The following BMPR1A variants were observed in gnomAD, a reference collection of about 807,000 sequenced individuals.
BMPR1A encodes bone morphogenetic protein receptor type 1A.
In BMPR1A, 7 loss-of-function variants were observed where a neutral mutation model predicts 66.0. The observed-to-expected ratio is 0.11, with a 90% CI of 0.06 to 0.20. BMPR1A has a LOEUF of 0.20. Ranked by LOEUF, BMPR1A falls within the 10% of genes least tolerant of loss-of-function variation. The pLI, the probability that BMPR1A is intolerant of heterozygous loss-of-function variation, is 1.00. For missense variants in BMPR1A, 408 were observed against 669.1 expected (o/e 0.61, Z 4.31); for synonymous variants, 200 against 229.7 (o/e 0.87, Z 1.17).
chr10:86,910,677 TAA>T (rs1843468539), intron 7 of BMPR1A, among the ~76,000 whole-genome samples: 1 of 152,226 alleles, frequency 6.6e-6, no homozygotes, highest in African/African-American at 2.4e-5. Context: ...ATTACCCATA[TAA>T]AGTTTTAAAA....
chr10:86,814,994 C>T (rs890050483), intron 1 of BMPR1A, among the ~76,000 whole-genome samples: 2 of 152,106 alleles, frequency 1.3e-5, no homozygotes, highest in Non-Finnish European at 2.9e-5. Context: ...CCATATTGGC[C>T]AGGCTTGTCT....
chr10:86,781,811 A>G (rs367887260), intron 1 of BMPR1A, among the ~76,000 whole-genome samples: 1 of 150,644 alleles, frequency 6.6e-6, no homozygotes, highest in Non-Finnish European at 1.5e-5. Context: ...TTCACTTAGC[A>G]TAAAGTCCCC....
intron 1 of BMPR1A, among the ~76,000 whole-genome samples, chr10:86,824,981 A>G (rs908332810): frequency 6.6e-6 from 1 of 152,124 alleles, no homozygotes; most frequent in African/African-American, 2.4e-5. Flanking sequence ...AAATAAATCT[A>G]TTTTGAGAAA....
intron 2 of BMPR1A, among the ~76,000 whole-genome samples, chr10:86,848,134 T>G (rs1239033012): frequency 6.6e-6 from 1 of 152,132 alleles, no homozygotes; most frequent in Non-Finnish European, 1.5e-5. Context: ...GGCTTCATCA[T>G]GTTGGTCAGG....
At chr10:86,916,979 C>T (rs978104935) in intron 8 of BMPR1A, among the ~76,000 whole-genome samples, 155 bp from the exon 9 acceptor site, 1 of 150,944 alleles carries the variant, frequency 6.6e-6, no homozygotes, top group Middle Eastern at 3.2e-3. Context: ...GGTGACAGAG[C>T]GAGACTCCAT....
Position 86,898,494 on chromosome 10 carries a change from G to A in BMPR1A, c.334-1300G>A, listed in dbSNP as rs1843261471. On this transcript the variant is annotated intron_variant, in intron 5 of 12. Transcript: ENST00000372037. Reference sequence around the variant, plus strand: ...ATCGTAAGATCTCTTCGTACATTTGGGATGTCGTTTCCCACTTAGTAGTGT... The same window carrying A: ...ATCGTAAGATCTCTTCGTACATTTGAGATGTCGTTTCCCACTTAGTAGTGT... 2.6e-5 allele frequency among the ~76,000 whole-genome samples: 4 copies of A among 152,130 alleles called. No homozygotes were observed. In the South Asian group the frequency reaches 8.3e-4, roughly 32 times the overall value.
rs187399508 is a variant in BMPR1A, at chr10:86,922,021, T to G, written c.1342+326T>G. On this transcript the variant is annotated intron_variant, in intron 11 of 12. Transcript: ENST00000372037. Reference sequence around the variant, plus strand: ...TACCAAATACTTATTCATTCTTCTATTTTGTCTCTACTTATTAAACATCCC... The same window carrying G: ...TACCAAATACTTATTCATTCTTCTAGTTTGTCTCTACTTATTAAACATCCC... Among the ~76,000 whole-genome samples, 497 of 151,918 alleles carry G rather than the reference T, an allele frequency of 3.3e-3. 2 individuals are homozygous for G. Among genetic ancestry groups the G allele is most frequent in the African/African-American group, 0.011 (461 of 41,362 alleles).
chr10:86,832,957 T>A (rs1842293058), intron 1 of BMPR1A, among the ~76,000 whole-genome samples: 1 of 152,268 alleles, frequency 6.6e-6, no homozygotes, highest in African/African-American at 2.4e-5. Flanking sequence ...TATATAACTT[T>A]AAGAAATTAG....
intron 5 of BMPR1A, among the ~76,000 whole-genome samples, chr10:86,896,220 G>A (rs559891743): frequency 2.0e-5 from 3 of 151,302 alleles, no homozygotes; most frequent in South Asian, 4.2e-4. Context: ...GGAGGCAGAG[G>A]TTGTAGTGAG....
Position 86,927,641 on chromosome 10 carries a change from G to A in BMPR1A, c.*3922G>A. On this transcript the variant is annotated 3_prime_UTR_variant, in exon 13 of 13. Coordinates refer to ENST00000372037, the MANE Select transcript of BMPR1A (RefSeq NM_004329.3). ...TTATGCTCTGTATTCTGTTTTCTAT[G>A]GAATTATTTAAGCCCTTTTAGTGAC... The A allele has an allele frequency of 5.1e-6, 1 of 197,758 alleles. No homozygotes were observed. The allele number at this position is 197,758 out of a possible 1,614,324, so 12.3% of individuals were successfully genotyped here. A position where few individuals can be genotyped will look rare whatever the true frequency, so the allele number is the denominator to read the frequency against.
chr10:86,888,826 C>CA (rs11353145), intron 3 of BMPR1A, among the ~76,000 whole-genome samples: 2,282 of 85,168 alleles, frequency 0.027, 70 homozygotes, highest in African/African-American at 0.061. Flanking sequence ...GACCATGTCT[C>CA]AAAAAAAAAA....
chr10:86,760,763 T>A (rs1161816125), intron 1 of BMPR1A, among the ~76,000 whole-genome samples: 1 of 152,170 alleles, frequency 6.6e-6, no homozygotes, highest in African/African-American at 2.4e-5. Context: ...TAGGAACCAT[T>A]TCTTTTCCTT....
intron 8 of BMPR1A, among the ~76,000 whole-genome samples, chr10:86,913,563 C>T (rs1843522240): frequency 6.6e-6 from 1 of 152,154 alleles, no homozygotes; most frequent in Non-Finnish European, 1.5e-5. Context: ...AAAACTACTG[C>T]AGCCAGTAAA....
chr10:86,871,144 A>G (rs182984219), intron 2 of BMPR1A, among the ~76,000 whole-genome samples: 37 of 151,854 alleles, frequency 2.4e-4, no homozygotes, highest in African/African-American at 5.8e-4. Flanking sequence ...GACTGACTCT[A>G]TTTTTCAGAT....
chr10:86,917,716 C>T (rs568570782), intron 9 of BMPR1A, among the ~76,000 whole-genome samples: 2 of 152,252 alleles, frequency 1.3e-5, no homozygotes, highest in South Asian at 4.1e-4. Flanking sequence ...ATGTGTGTTT[C>T]CCCCCATCTC....
intron 1 of BMPR1A, among the ~76,000 whole-genome samples, chr10:86,808,603 G>A (rs1198712536): frequency 6.6e-6 from 1 of 152,148 alleles, no homozygotes; most frequent in Non-Finnish European, 1.5e-5. Context: ...CACTTGTCCT[G>A]TCTGAACCCT....
chr10:86,810,057 G>A (rs1018200479), intron 1 of BMPR1A, among the ~76,000 whole-genome samples: 2 of 151,742 alleles, frequency 1.3e-5, no homozygotes, highest in Non-Finnish European at 1.5e-5. Flanking sequence ...TGCAACCTCC[G>A]CCTCCCGGGT....
chr10:86,857,668 C>G (rs1022918402), intron 2 of BMPR1A, among the ~76,000 whole-genome samples: 1 of 151,138 alleles, frequency 6.6e-6, no homozygotes, highest in Non-Finnish European at 1.5e-5. Context: ...GGCAGGAGGC[C>G]TCAGTTCTTC....
At chr10:86,866,552 G>T (rs1401127681) in intron 2 of BMPR1A, among the ~76,000 whole-genome samples, 1 of 151,636 alleles carries the variant, frequency 6.6e-6, no homozygotes, top group African/African-American at 2.4e-5. Context: ...GGGTTTGCAG[G>T]TGCCTGCCAC....
Sources: gnomAD v4.1 joint callset for allele counts (sites outside exome capture counted in the v4.1 genomes callset) on GRCh38, gnomAD v4.1.1 for gene constraint, MANE v1.5 for transcripts, NCBI Gene and HGNC (gene_info 2026-07-23, HGNC 2026-07-21) for gene names.